The following CBFA2T3 variants were observed in gnomAD, a reference collection of about 807,000 sequenced individuals.
CBFA2T3 encodes transcriptional corepressor CBFA2T3.
Under a neutral mutation model 58.6 loss-of-function variants are expected in CBFA2T3, and 31 were observed. That is an observed-to-expected ratio of 0.53 (90% CI 0.40 to 0.71). The LOEUF (loss-of-function observed/expected upper bound fraction) is 0.71, where lower values mean the gene tolerates loss of function less well. CBFA2T3 is among the 30% of genes least tolerant of loss of function. CBFA2T3 has a pLI of 0.00. For synonymous variants in CBFA2T3, 531 were observed against 421.9 expected (o/e 1.26, Z -3.17); for missense variants, 1,076 against 963.1 (o/e 1.12, Z -1.55).
intron 1 of CBFA2T3, among the ~76,000 whole-genome samples, chr16:88,934,992 G>C (rs947016341): frequency 6.6e-6 from 1 of 152,130 alleles, no homozygotes; most frequent in Non-Finnish European, 1.5e-5. Flanking sequence ...CACCCGCCTT[G>C]GCCTCCCAAA....
In CBFA2T3 at chr16:88,886,083, C is replaced by T. The variant is rs1031791755; in HGVS notation, c.771G>A (p.Thr257=). Residue 257 remains threonine, a synonymous_variant, in exon 6 of 12, where the codon ACG becomes ACA. Coordinates refer to ENST00000268679, the MANE Select transcript of CBFA2T3 (RefSeq NM_005187.6). The part of the protein sequence containing the change: ...LLHCARLAKQ[T]PAQYLAQHEQ... ...CATGCTGGGCCAAGTACTGGGCGGG[C>T]GTCTGCTTGGCCAGGCGTGCACAGT... is the stretch of plus-strand genomic sequence containing the variant. The T allele has an allele frequency of 7.5e-6, 12 of 1,590,914 alleles. No homozygotes were observed. Among genetic ancestry groups the T allele is most frequent in the Admixed American group, 3.4e-5 (2 of 57,996 alleles).
At chr16:88,909,918 C>T (rs1203377729) in intron 1 of CBFA2T3, among the ~76,000 whole-genome samples, 1 of 152,244 alleles carries the variant, frequency 6.6e-6, no homozygotes, top group African/African-American at 2.4e-5. Flanking sequence ...TAAACCCGTA[C>T]ACTTGGATTT....
chr16:88,929,543 C>T (rs144183168), intron 1 of CBFA2T3, among the ~76,000 whole-genome samples: 2,304 of 152,104 alleles, frequency 0.015, 39 homozygotes, highest in African/African-American at 0.04. Flanking sequence ...CCGATACCCA[C>T]AGCTGCATGG....
chr16:88,920,345 C>T (rs1399199117), intron 1 of CBFA2T3, among the ~76,000 whole-genome samples: 4 of 152,158 alleles, frequency 2.6e-5, no homozygotes, highest in Non-Finnish European at 4.4e-5. Flanking sequence ...GGCATGATCT[C>T]GCCTCACTGC....
At chr16:88,927,838 C>A (rs151009661) in intron 1 of CBFA2T3, among the ~76,000 whole-genome samples, 2,409 of 152,336 alleles carry the variant, frequency 0.016, 54 homozygotes, top group African/African-American at 0.053. Flanking sequence ...GGGATCCGGT[C>A]CCCTCCTGCT....
intron 1 of CBFA2T3, among the ~76,000 whole-genome samples, chr16:88,967,849 G>A (rs963526033): frequency 4.6e-5 from 7 of 152,220 alleles, no homozygotes; most frequent in Non-Finnish European, 7.4e-5. Context: ...CCGGAGCAGC[G>A]CGTCCAGCGG....
At chr16:88,954,360 C>A (rs577650919) in intron 1 of CBFA2T3, among the ~76,000 whole-genome samples, 1 of 142,758 alleles carries the variant, frequency 7.0e-6, no homozygotes, top group Non-Finnish European at 1.5e-5. Context: ...CTCCTGACCT[C>A]ACCCAAGGCT....
chr16:88,957,326 C>T (rs900425033), intron 1 of CBFA2T3, among the ~76,000 whole-genome samples: 2 of 152,264 alleles, frequency 1.3e-5, no homozygotes, highest in African/African-American at 2.4e-5. Flanking sequence ...CCCGCCCCCA[C>T]GGCAGATGCC....
chr16:88,909,686 G>T (rs1597713304), intron 1 of CBFA2T3, among the ~76,000 whole-genome samples: 3 of 152,324 alleles, frequency 2.0e-5, no homozygotes, highest in Middle Eastern at 6.8e-3. Context: ...GCAAAGAGGA[G>T]ACCCCGAGAG....
chr16:88,886,329 A>T, intron 5 of CBFA2T3, 187 bp from the exon 6 acceptor site: 230 of 272,774 alleles, frequency 8.4e-4, no homozygotes, highest in East Asian at 1.2e-3. Context: ...GTGGCGTGGG[A>T]GGGTGGGCAC....
At chr16:88,945,676 C>T (rs191582869) in intron 1 of CBFA2T3, among the ~76,000 whole-genome samples, 3 of 152,238 alleles carry the variant, frequency 2.0e-5, no homozygotes, top group East Asian at 3.9e-4. Context: ...CCCCAGATGC[C>T]GGTGAGGATG....
At chr16:88,924,747 C>T (rs1239171937) in intron 1 of CBFA2T3, among the ~76,000 whole-genome samples, 2 of 152,208 alleles carry the variant, frequency 1.3e-5, no homozygotes, top group African/African-American at 2.4e-5. Flanking sequence ...TGGCCGGACG[C>T]GGCGGGGACA....
At chr16:88,931,128 A>G (rs963149429) in intron 1 of CBFA2T3, among the ~76,000 whole-genome samples, 1 of 152,028 alleles carries the variant, frequency 6.6e-6, no homozygotes, top group African/African-American at 2.4e-5. Flanking sequence ...AGGAGTGATG[A>G]GTGGAGCCAG....
chr16:88,918,432 C>T (rs1231397391), intron 1 of CBFA2T3, among the ~76,000 whole-genome samples: 10 of 152,226 alleles, frequency 6.6e-5, no homozygotes, highest in African/African-American at 2.2e-4. Context: ...TGCATCACAA[C>T]GAGGTCCCAG....
rs563950591 is a variant in CBFA2T3, at chr16:88,879,507, A to G, written c.1472-47T>C. On this transcript the variant is annotated intron_variant, in intron 10 of 11. Coordinates refer to ENST00000268679, the MANE Select transcript of CBFA2T3 (RefSeq NM_005187.6). ...CTGGCGGTCACATGGGCCATCCCAG[A>G]TGGGTCTCTGGACTTCCTACGCGTG... 15 of 1,570,962 alleles carry G rather than the reference A, an allele frequency of 9.5e-6. No individual in the cohort carries two copies. The African/African-American group carries it at 1.9e-4, about 20-fold the overall frequency.
chr16:88,881,525 G>A (rs970359780), intron 8 of CBFA2T3, 36 bp from the exon 9 acceptor site: 18 of 1,576,758 alleles, frequency 1.1e-5, no homozygotes, highest in Non-Finnish European at 1.5e-5. Flanking sequence ...GCACCTCAGA[G>A]GGACCGGGAC....
chr16:88,923,367 A>G (rs1191834659), intron 1 of CBFA2T3, among the ~76,000 whole-genome samples: 1 of 152,148 alleles, frequency 6.6e-6, no homozygotes, highest in Non-Finnish European at 1.5e-5. Flanking sequence ...CACCAGGCTG[A>G]GCTGCTAGTT....
intron 3 of CBFA2T3, among the ~76,000 whole-genome samples, chr16:88,896,627 C>A (rs28673153): frequency 2.6e-5 from 4 of 152,148 alleles, no homozygotes; most frequent in East Asian, 1.9e-4. Context: ...TAGCCACTTG[C>A]GGTCACCCAG....
chr16:88,933,040 G>A (rs547901373), intron 1 of CBFA2T3, among the ~76,000 whole-genome samples: 3 of 152,274 alleles, frequency 2.0e-5, no homozygotes, highest in East Asian at 3.9e-4. Context: ...GGGAGGTGAC[G>A]GCATGGAGCC....
Sources: allele counts gnomAD v4.1 joint callset (sites outside exome capture counted in the v4.1 genomes callset), GRCh38; gene constraint gnomAD v4.1.1; transcripts MANE v1.5; gene names NCBI Gene and HGNC (gene_info 2026-07-23, HGNC 2026-07-21).